UVRAG: variants seen among roughly 807,000 people sequenced by gnomAD.
UVRAG encodes the protein UV radiation resistance-associated gene protein.
In UVRAG, 19 loss-of-function variants were observed where a neutral mutation model predicts 78.0. The observed-to-expected ratio is 0.24, with a 90% CI of 0.17 to 0.36. The LOEUF is 0.36. UVRAG is among the 10% of genes least tolerant of loss of function. The pLI, the probability that UVRAG is intolerant of heterozygous loss-of-function variation, is 1.00. For synonymous variants in UVRAG, 323 were observed against 324.6 expected (o/e 1.00, Z 0.05); for missense variants, 740 against 853.8 (o/e 0.87, Z 1.66).
intron 5 of UVRAG, among the ~76,000 whole-genome samples, chr11:75,907,701 T>A (rs1170534651): frequency 1.3e-5 from 2 of 151,856 alleles, no homozygotes; most frequent in Non-Finnish European, 2.9e-5. Flanking sequence ...AAAACAATTT[T>A]TTTTTTTTTT....
intron 1 of UVRAG, among the ~76,000 whole-genome samples, chr11:75,845,309 A>G (rs1381239555): frequency 1.3e-5 from 2 of 152,260 alleles, no homozygotes; most frequent in African/African-American, 4.8e-5. Context: ...CTACCACTGT[A>G]GTATAATGCA....
chr11:75,893,746 A>G (rs751098577), intron 5 of UVRAG, among the ~76,000 whole-genome samples: 116 of 141,910 alleles, frequency 8.2e-4, no homozygotes, highest in Non-Finnish European at 1.1e-3. Context: ...TGGGAGGCTG[A>G]GGTGGGAGGA....
chr11:75,992,024 C>T (rs749558236), intron 8 of UVRAG, among the ~76,000 whole-genome samples: 25 of 152,074 alleles, frequency 1.6e-4, no homozygotes, highest in Non-Finnish European at 3.4e-4. Context: ...TAGTCCTATA[C>T]ATTAAAGATA....
intron 13 of UVRAG, among the ~76,000 whole-genome samples, chr11:76,100,387 A>C (rs1357830394): frequency 1.3e-5 from 2 of 152,118 alleles, no homozygotes; most frequent in African/African-American, 2.4e-5. Context: ...TAGTAGATAC[A>C]CAAAAATGTT....
intron 12 of UVRAG, among the ~76,000 whole-genome samples, chr11:76,029,202 C>T (rs534766375): frequency 6.6e-6 from 1 of 152,254 alleles, no homozygotes; most frequent in South Asian, 2.1e-4. Context: ...CTGTTGAGAC[C>T]TACGGCTCAG....
chr11:75,816,767 C>T (rs575089596), intron 1 of UVRAG, among the ~76,000 whole-genome samples: 3 of 152,276 alleles, frequency 2.0e-5, no homozygotes, highest in African/African-American at 7.2e-5. Context: ...CATCAGCTAC[C>T]AGTGGGACTT....
Position 75,949,712 on chromosome 11 carries a change from TATAC to T in UVRAG, c.594-11730_594-11727del, listed in dbSNP as rs1326433479. Reference sequence around the variant, plus strand: ...AAATACATATATATATATATATATATATACACACACACACACACATATACACATA... The same window carrying T: ...AAATACATATATATATATATATATATACACACACACACACATATACACATA... On this transcript the variant is annotated intron_variant, in intron 6 of 14. Coordinates refer to ENST00000356136, the MANE Select transcript of UVRAG (RefSeq NM_003369.4). 9.5e-3 allele frequency among the ~76,000 whole-genome samples: 1,384 copies of T among 145,190 alleles called. 21 individuals carry two copies. Among genetic ancestry groups the T allele is most frequent in the African/African-American group, 0.035 (1,326 of 37,410 alleles).
At chr11:76,064,884 C>T (rs1951159095) in intron 12 of UVRAG, among the ~76,000 whole-genome samples, 1 of 152,170 alleles carries the variant, frequency 6.6e-6, no homozygotes, top group Non-Finnish European at 1.5e-5. Context: ...AAGTTTTCTT[C>T]TTGACCCTAA....
intron 5 of UVRAG, among the ~76,000 whole-genome samples, chr11:75,902,239 C>T (rs1401037010): frequency 3.3e-5 from 5 of 152,166 alleles, no homozygotes; most frequent in Non-Finnish European, 5.9e-5. Flanking sequence ...CACCAGGGAT[C>T]GGTTTTGTGG....
At chr11:76,096,039 A>G (rs532150680) in intron 13 of UVRAG, among the ~76,000 whole-genome samples, 2 of 152,304 alleles carry the variant, frequency 1.3e-5, no homozygotes, top group African/African-American at 4.8e-5. Context: ...CAAACCTGGA[A>G]GCAGAGGGTA....
intron 13 of UVRAG, among the ~76,000 whole-genome samples, chr11:76,084,425 G>A (rs1303132525): frequency 1.3e-5 from 2 of 152,116 alleles, no homozygotes; most frequent in Non-Finnish European, 2.9e-5. Context: ...GATGTGAAAA[G>A]CAAAGACATT....
At chr11:75,877,673 G>C (rs1366989066) in intron 3 of UVRAG, among the ~76,000 whole-genome samples, 2 of 137,138 alleles carry the variant, frequency 1.5e-5, no homozygotes, top group African/African-American at 5.6e-5. Flanking sequence ...TCACTTCCCA[G>C]TAGGGGCGGC....
intron 6 of UVRAG, among the ~76,000 whole-genome samples, chr11:75,956,244 CG>C (rs527730456): frequency 9.5e-4 from 144 of 152,130 alleles, no homozygotes; most frequent in African/African-American, 3.3e-3. Context: ...TGTAGACATA[CG>C]TTTTTTATTT....
At chr11:76,132,163 C>T (rs995159510) in intron 14 of UVRAG, among the ~76,000 whole-genome samples, 1 of 152,172 alleles carries the variant, frequency 6.6e-6, no homozygotes, top group South Asian at 2.1e-4. Flanking sequence ...GATATTGGCG[C>T]AGACTAGTAC....
chr11:76,065,891 G>A (rs933144505), intron 13 of UVRAG, 103 bp downstream of exon 13: 21 of 997,430 alleles, frequency 2.1e-5, no homozygotes, highest in Admixed American at 1.3e-4. Context: ...GTTGACCCTC[G>A]CATTTAACCA....
rs1425455555 is a variant in UVRAG, at chr11:76,143,715, CTG to C, written c.*2304_*2305del. Among the ~76,000 whole-genome samples the C allele has an allele frequency of 1.3e-5, 2 of 152,234 alleles. No homozygotes were observed. The highest frequency in any genetic ancestry group is 4.8e-5 in the African/African-American group (2 of 41,454). On this transcript the variant is annotated 3_prime_UTR_variant, in exon 15 of 15. Transcript: ENST00000356136. Reference sequence around the variant, plus strand: ...TGGGATTACCCGTCTCCTGGAATAACTGTTTGACGTTTTCCAAAGTTGTAGAG... The same window carrying C: ...TGGGATTACCCGTCTCCTGGAATAACTTTGACGTTTTCCAAAGTTGTAGAG...
At chr11:75,853,531 T>A (rs987683507) in intron 2 of UVRAG, among the ~76,000 whole-genome samples, 2 of 151,818 alleles carry the variant, frequency 1.3e-5, no homozygotes, top group Non-Finnish European at 2.9e-5. Context: ...TGGCTAACTT[T>A]TGTATTTTTG....
At chr11:76,015,168 G>A (rs1161900014) in intron 11 of UVRAG, among the ~76,000 whole-genome samples, 4 of 152,070 alleles carry the variant, frequency 2.6e-5, no homozygotes, top group South Asian at 2.1e-4. Flanking sequence ...GGTGGTACAC[G>A]TGTGTCATAT....
At chr11:75,868,547 A>C (rs559533833) in intron 3 of UVRAG, among the ~76,000 whole-genome samples, 1 of 152,320 alleles carries the variant, frequency 6.6e-6, no homozygotes, top group East Asian at 1.9e-4. Context: ...TATCCATGAT[A>C]TATTTAGCAT....
Sources: gnomAD v4.1 joint callset for allele counts (sites outside exome capture counted in the v4.1 genomes callset) on GRCh38, gnomAD v4.1.1 for gene constraint, MANE v1.5 for transcripts, NCBI Gene and HGNC (gene_info 2026-07-23, HGNC 2026-07-21) for gene names.